Variants in VMP1 observed in about 807,000 individuals in gnomAD.
The protein encoded by VMP1 is vacuole membrane protein 1, also known as ectopic P-granules autophagy protein 3 homolog.
Under a neutral mutation model 56.0 loss-of-function variants are expected in VMP1, and 11 were observed. That is an observed-to-expected ratio of 0.20 (90% CI 0.12 to 0.32). The LOEUF (loss-of-function observed/expected upper bound fraction) is 0.32. Among genes scored for constraint, VMP1 ranks in the 10% least tolerant of loss-of-function variants. The pLI, the probability that VMP1 is intolerant of heterozygous loss-of-function variation, is 1.00. For missense variants in VMP1, 296 were observed against 490.3 expected (o/e 0.60, Z 3.74); for synonymous variants, 149 against 165.0 (o/e 0.90, Z 0.74).
intron 5 of VMP1, 57 bp from the exon 6 acceptor site, chr17:59,764,914 G>T (rs1445695232): frequency 3.9e-6 from 5 of 1,273,822 alleles, no homozygotes. Context: ...TTAAAATAAT[G>T]TGTATTGATA....
intron 6 of VMP1, among the ~76,000 whole-genome samples, chr17:59,765,975 G>C (rs922169937): frequency 6.6e-6 from 1 of 151,400 alleles, no homozygotes; most frequent in Non-Finnish European, 1.5e-5. Flanking sequence ...TATTAGATTG[G>C]TAAATGTCAT....
At chr17:59,810,601 T>C (rs574820058) in intron 8 of VMP1, among the ~76,000 whole-genome samples, 2 of 152,202 alleles carry the variant, frequency 1.3e-5, no homozygotes, top group East Asian at 1.9e-4. Flanking sequence ...GTAAATGATA[T>C]TATTATATGG....
chr17:59,726,700 C>G lies in VMP1; in HGVS notation c.-26-4721C>G, dbSNP rs1191170008. ...TTTTATATGGTTCCATTTCAAACAT[C>G]CTCAGTTGATTTTTTTATTAATAAA... On this transcript the variant is annotated intron_variant, in intron 1 of 11. Transcript: ENST00000262291. Among the ~76,000 whole-genome samples the G allele has an allele frequency of 4.6e-5, 7 of 152,254 alleles. No individual in the cohort carries two copies. The East Asian group carries it at 1.3e-3, about 29-fold the overall frequency.
At chr17:59,771,723 C>T (rs2036433860) in intron 6 of VMP1, among the ~76,000 whole-genome samples, 1 of 150,366 alleles carries the variant, frequency 6.7e-6, no homozygotes, top group African/African-American at 2.4e-5. Flanking sequence ...CCTCCTACCT[C>T]AGCCTCCCAA....
At chr17:59,839,409 C>T (rs1274856384) in intron 11 of VMP1, 2 of 193,356 alleles carry the variant, frequency 1.0e-5, no homozygotes, top group African/African-American at 2.4e-5. Context: ...GCTCCTAATA[C>T]TGGAACAAAA....
Position 59,737,439 on chromosome 17 carries a change from T to A in VMP1, c.213-14T>A. 6.3e-7 allele frequency: 1 copy of A among 1,599,724 alleles called. No individual in the cohort carries two copies. Among genetic ancestry groups the A allele is most frequent in the East Asian group, 2.2e-5 (1 of 44,656 alleles). ...GAGACTGTGAGATATTTATTTTTTT[T>A]ATTTGTTTTTAAGATTATGGCATCG... On this transcript the variant is annotated splice_polypyrimidine_tract_variant and intron_variant, in intron 3 of 11. Transcript: ENST00000262291.
chr17:59,761,395 T>C (rs1469898845), intron 5 of VMP1, among the ~76,000 whole-genome samples: 1 of 152,258 alleles, frequency 6.6e-6, no homozygotes, highest in Non-Finnish European at 1.5e-5. Flanking sequence ...GAATGCTAGA[T>C]ATGTAGTATT....
intron 5 of VMP1, among the ~76,000 whole-genome samples, chr17:59,741,844 G>C (rs985858255): frequency 2.0e-5 from 3 of 152,044 alleles, no homozygotes; most frequent in African/African-American, 7.2e-5. Context: ...AGAGTACATT[G>C]GATCTTTTGA....
chr17:59,758,199 T>C (rs2035918550), intron 5 of VMP1, among the ~76,000 whole-genome samples: 1 of 152,102 alleles, frequency 6.6e-6, no homozygotes, highest in Non-Finnish European at 1.5e-5. Context: ...ACATGTCACA[T>C]CCTTTTAAAT....
intron 9 of VMP1, 37 bp from the exon 10 acceptor site, chr17:59,817,675 A>T (rs751305474): frequency 1.3e-6 from 2 of 1,496,168 alleles, no homozygotes; most frequent in South Asian, 2.3e-5. Context: ...TTTTTTGATG[A>T]CTAAATAATT....
At chr17:59,762,013 C>A (rs2036072278) in intron 5 of VMP1, among the ~76,000 whole-genome samples, 1 of 152,174 alleles carries the variant, frequency 6.6e-6, no homozygotes, top group African/African-American at 2.4e-5. Context: ...AGACAAGAAG[C>A]CAGAGTCAAT....
At chr17:59,765,601 A>T (rs1405721877) in intron 6 of VMP1, among the ~76,000 whole-genome samples, 1 of 152,210 alleles carries the variant, frequency 6.6e-6, no homozygotes, top group Non-Finnish European at 1.5e-5. Context: ...TACAAAGAAA[A>T]TTATAAGGGA....
intron 2 of VMP1, among the ~76,000 whole-genome samples, chr17:59,733,167 C>T (rs1045301386): frequency 3.3e-5 from 5 of 151,922 alleles, no homozygotes; most frequent in African/African-American, 4.8e-5. Flanking sequence ...GCCTGGGTGA[C>T]AGAGCAAGAC....
At chr17:59,778,295 C>T (rs774414348) in intron 7 of VMP1, among the ~76,000 whole-genome samples, 1 of 151,980 alleles carries the variant, frequency 6.6e-6, no homozygotes, top group Non-Finnish European at 1.5e-5. Context: ...AATCCCAGCA[C>T]TTTGGGAGGC....
At chr17:59,838,673 G>T in intron 11 of VMP1, 1 of 374,540 alleles carries the variant, frequency 2.7e-6, no homozygotes, top group Non-Finnish European at 5.0e-6. Context: ...GATCTTAAAT[G>T]ATGTATTGGT....
chr17:59,838,316 A>T lies in VMP1; in HGVS notation c.996A>T (p.Pro332=). ...AFIGAVPGIG[P]SLQKPFQEYL... ...CCAGTGCTGTCCCCGGCATAGGTCC[A>T]TCTCTGCAGAAGCCATTTCAGGAGT... The change falls in exon 11 of 12, where the codon CCA becomes CCT. Residue 332 remains proline (P), a synonymous_variant. Coordinates refer to ENST00000262291, the MANE Select transcript of VMP1 (RefSeq NM_030938.5). 6.2e-7 allele frequency: 1 copy of T among 1,614,034 alleles called. No homozygotes were observed. The highest frequency in any genetic ancestry group is 8.5e-7 in the Non-Finnish European group (1 of 1,179,998).
intron 6 of VMP1, among the ~76,000 whole-genome samples, chr17:59,768,862 T>C (rs921669186): frequency 6.6e-6 from 1 of 151,942 alleles, no homozygotes; most frequent in African/African-American, 2.4e-5. Flanking sequence ...GACAGGCCCC[T>C]GTAGTCCCAG....
chr17:59,715,146 A>AT (rs1459840560), intron 1 of VMP1, among the ~76,000 whole-genome samples: 2 of 152,162 alleles, frequency 1.3e-5, no homozygotes, highest in African/African-American at 4.8e-5. Flanking sequence ...AAGTTTTTGC[A>AT]TTTCTATAAA....
intron 5 of VMP1, among the ~76,000 whole-genome samples, chr17:59,743,733 GGTT>G (rs1480687361): frequency 1.3e-5 from 2 of 151,660 alleles, no homozygotes; most frequent in African/African-American, 4.8e-5. Context: ...GCTTTTTTAA[GGTT>G]GTTTACTAAC....
Sources: gnomAD v4.1 joint callset for allele counts (sites outside exome capture counted in the v4.1 genomes callset) on GRCh38, gnomAD v4.1.1 for gene constraint, MANE v1.5 for transcripts, NCBI Gene and HGNC (gene_info 2026-07-23, HGNC 2026-07-21) for gene names.